The following ELP3 variants were observed in gnomAD, a reference collection of about 807,000 sequenced individuals.
ELP3 encodes the protein elongator complex protein 3.
A neutral mutation model predicts 74.9 loss-of-function variants in ELP3; 56 were observed. The observed-to-expected ratio is 0.75, with a 90% CI of 0.60 to 0.93. The LOEUF (loss-of-function observed/expected upper bound fraction) is 0.93. ELP3 is among the 40% of genes least tolerant of loss of function. ELP3 has a pLI of 0.00. For synonymous variants in ELP3, 222 were observed against 239.8 expected (o/e 0.93, Z 0.68); for missense variants, 573 against 686.5 (o/e 0.83, Z 1.85).
At chr8:28,129,385 G>A in intron 7 of ELP3, 117 bp from the exon 8 acceptor site, 1 of 1,051,046 alleles carries the variant, frequency 9.5e-7, no homozygotes, top group Non-Finnish European at 1.4e-6. Context: ...CCTGGCTCCA[G>A]AGCCTACACT....
At chr8:28,148,683 C>T (rs1326019417) in intron 10 of ELP3, among the ~76,000 whole-genome samples, 1 of 152,120 alleles carries the variant, frequency 6.6e-6, no homozygotes, top group African/African-American at 2.4e-5. Flanking sequence ...TCTGTATCGA[C>T]TAATATTGTG....
chr8:28,166,927 T>A (rs1197375758), intron 14 of ELP3, among the ~76,000 whole-genome samples: 10 of 152,220 alleles, frequency 6.6e-5, no homozygotes, highest in Non-Finnish European at 1.3e-4. Context: ...CTCGTCTGAC[T>A]ACCTTCATCA....
chr8:28,144,419 G>A (rs1403958851), intron 10 of ELP3, among the ~76,000 whole-genome samples: 3 of 152,134 alleles, frequency 2.0e-5, no homozygotes, highest in African/African-American at 7.2e-5. Flanking sequence ...AGACCAGCCT[G>A]GGAAACACGG....
At chr8:28,090,332 G>A (rs1811018921), upstream of ELP3, 2 of 391,882 alleles carry the variant, frequency 5.1e-6, no homozygotes, top group Admixed American at 5.8e-5. Context: ...TCCATAGTCT[G>A]GTGAGTGTAG....
intron 4 of ELP3, 30 bp downstream of exon 4, chr8:28,106,813 G>T (rs1811716092): frequency 6.4e-7 from 1 of 1,572,606 alleles, no homozygotes; most frequent in Non-Finnish European, 8.7e-7. Context: ...TAAATTGTAT[G>T]TATGTTTTAA....
intron 7 of ELP3, among the ~76,000 whole-genome samples, chr8:28,118,318 T>G (rs1463803045): frequency 6.6e-6 from 1 of 152,130 alleles, no homozygotes; most frequent in Non-Finnish European, 1.5e-5. Flanking sequence ...TGATTAAAGT[T>G]TTGCTTCTTA....
chr8:28,116,851 A>G (rs948904110), intron 7 of ELP3, among the ~76,000 whole-genome samples: 1 of 152,242 alleles, frequency 6.6e-6, no homozygotes, highest in Non-Finnish European at 1.5e-5. Flanking sequence ...ATTACTCTTA[A>G]TAATACTGAA....
chr8:28,136,963 C>G (rs1243964812), intron 9 of ELP3, among the ~76,000 whole-genome samples: 1 of 152,142 alleles, frequency 6.6e-6, no homozygotes, highest in African/African-American at 2.4e-5. Flanking sequence ...AAATGACTTG[C>G]CAAAAGTAGT....
chr8:28,112,809 C>T (rs921712745), intron 6 of ELP3: 3 of 365,890 alleles, frequency 8.2e-6, no homozygotes, highest in Non-Finnish European at 1.5e-5. Context: ...ATTTTATATT[C>T]TCATTCTCCC....
chr8:28,173,294 AGTTTCTT>A (rs1814605580), intron 14 of ELP3, among the ~76,000 whole-genome samples: 1 of 151,820 alleles, frequency 6.6e-6, no homozygotes, highest in Non-Finnish European at 1.5e-5. Context: ...TTACTGATTC[AGTTTCTT>A]GTTATGTATT....
intron 7 of ELP3, among the ~76,000 whole-genome samples, chr8:28,123,226 T>C (rs1418749895): frequency 6.6e-6 from 1 of 152,258 alleles, no homozygotes; most frequent in Non-Finnish European, 1.5e-5. Flanking sequence ...TTAATTATTA[T>C]TCAATTCAAA....
chr8:28,127,533 G>A (rs1346993345), intron 7 of ELP3, among the ~76,000 whole-genome samples: 1 of 151,810 alleles, frequency 6.6e-6, no homozygotes, highest in Non-Finnish European at 1.5e-5. Flanking sequence ...CATAATATAT[G>A]AATATTTATT....
At chr8:28,131,076 C>T (rs965515917) in intron 8 of ELP3, among the ~76,000 whole-genome samples, 12 of 152,008 alleles carry the variant, frequency 7.9e-5, no homozygotes, top group Non-Finnish European at 1.5e-5. Context: ...AGATCAGGTA[C>T]GAGGCTGTTA....
Position 28,189,801 on chromosome 8 carries a change from C to T in ELP3, c.*76C>T. 6.7e-7 allele frequency: 1 copy of T among 1,493,514 alleles called. No individual in the cohort carries two copies. Among genetic ancestry groups the T allele is most frequent in the Non-Finnish European group, 9.3e-7 (1 of 1,073,282 alleles). 92.5% of individuals were successfully genotyped at this position (1,493,514 alleles called of 1,614,324 possible). A position where few individuals can be genotyped will look rare whatever the true frequency, so the allele number is the denominator to read the frequency against. On this transcript the variant is annotated 3_prime_UTR_variant, in exon 15 of 15. Coordinates refer to ENST00000256398, the MANE Select transcript of ELP3 (RefSeq NM_018091.6). The stretch of plus-strand genomic sequence containing the variant: ...GAATCAGGATTTCTTAAATACTCAA[C>T]AGAGAGGCTGAGCAGAGCAAATGGG...
At chr8:28,186,562 G>A (rs1815249298) in intron 14 of ELP3, among the ~76,000 whole-genome samples, 1 of 152,118 alleles carries the variant, frequency 6.6e-6, no homozygotes, top group Admixed American at 6.5e-5. Context: ...GCTTATAACA[G>A]GATACCTGAA....
At chr8:28,096,883 G>A (rs1193722485) in intron 1 of ELP3, among the ~76,000 whole-genome samples, 1 of 152,148 alleles carries the variant, frequency 6.6e-6, no homozygotes, top group East Asian at 1.9e-4. Flanking sequence ...TGGAGATAAA[G>A]GGAAGAGAAT....
At chr8:28,122,404 T>A (rs907001072) in intron 7 of ELP3, among the ~76,000 whole-genome samples, 4 of 152,236 alleles carry the variant, frequency 2.6e-5, no homozygotes, top group African/African-American at 9.6e-5. Context: ...TTGCTAGAAC[T>A]CACCAGTGAA....
chr8:28,092,243 G>A (rs564206109), upstream of ELP3, among the ~76,000 whole-genome samples: 12 of 152,248 alleles, frequency 7.9e-5, no homozygotes, highest in South Asian at 2.5e-3. Context: ...TGTTGTTGTT[G>A]TTGTTGAGAC....
intron 2 of ELP3, among the ~76,000 whole-genome samples, chr8:28,097,960 C>A (rs532305209): frequency 6.6e-5 from 10 of 152,280 alleles, no homozygotes; most frequent in African/African-American, 2.2e-4. Context: ...ATTAGGTCAG[C>A]CGTCTCCAGA....
Sources: allele counts gnomAD v4.1 joint callset (sites outside exome capture counted in the v4.1 genomes callset), GRCh38; gene constraint gnomAD v4.1.1; transcripts MANE v1.5; gene names NCBI Gene and HGNC (gene_info 2026-07-23, HGNC 2026-07-21).